Variants in SDK1 observed in about 807,000 individuals in gnomAD.
SDK1 encodes the protein sidekick cell adhesion molecule 1, also known as protein sidekick-1.
Under a neutral mutation model 245.5 loss-of-function variants are expected in SDK1, and 157 were observed. The observed-to-expected ratio is 0.64, with a 90% CI of 0.56 to 0.73. The LOEUF is 0.73. Ranked by LOEUF, SDK1 falls within the 30% of genes least tolerant of loss-of-function variation. The pLI is 0.00. For missense variants in SDK1, 3,583 were observed against 3,002.3 expected (o/e 1.19, Z -4.52); for synonymous variants, 1,647 against 1,278.5 (o/e 1.29, Z -6.15).
In SDK1 at chr7:3,838,595, A is replaced by T. The variant is rs144203493; in HGVS notation, c.847+17012A>T. 9.3e-4 allele frequency among the ~76,000 whole-genome samples: 142 copies of T among 152,292 alleles called. 2 individuals carry two copies. Among genetic ancestry groups the T allele is most frequent in the African/African-American group, 3.3e-3 (137 of 41,578 alleles). ...GCAGAGGGTGCAAACAGAACTGTCT[A>T]TGACCAGCCTCTGGAAGTTCAGGGT... On this transcript the variant is annotated intron_variant, in intron 5 of 44. Coordinates refer to ENST00000404826, the MANE Select transcript of SDK1 (RefSeq NM_152744.4).
At chr7:4,108,586 A>G (rs982456131) in intron 22 of SDK1, among the ~76,000 whole-genome samples, 4 of 152,050 alleles carry the variant, frequency 2.6e-5, no homozygotes, top group African/African-American at 7.2e-5. Flanking sequence ...CGGGGTATTC[A>G]TTATCTACGC....
intron 32 of SDK1, among the ~76,000 whole-genome samples, chr7:4,173,896 C>T (rs747085267): frequency 3.3e-5 from 5 of 152,204 alleles, no homozygotes; most frequent in African/African-American, 1.2e-4. Flanking sequence ...CCACACAGCA[C>T]CCAGCCTCCT....
rs528332278 is a variant in SDK1, at chr7:3,814,902, T to C, written c.714-6548T>C. ...TGTGAATGGGAGTTCACTCATGATT[T>C]GGCTCTCTGTTTGTATGTTGTTGGT... On this transcript the variant is annotated intron_variant, in intron 4 of 44. Coordinates refer to ENST00000404826, the MANE Select transcript of SDK1 (RefSeq NM_152744.4). Among the ~76,000 whole-genome samples, 88 of 152,278 alleles carry C rather than the reference T, an allele frequency of 5.8e-4. 2 individuals are homozygous for C. The South Asian group carries it at 0.017, about 29-fold the overall frequency.
At chr7:3,530,982 T>C (rs987323438) in intron 1 of SDK1, among the ~76,000 whole-genome samples, 1 of 152,240 alleles carries the variant, frequency 6.6e-6, no homozygotes, top group Non-Finnish European at 1.5e-5. Context: ...TTTTCATTGA[T>C]TTGGAAATGA....
At chr7:3,320,589 C>A (rs1021118891) in intron 1 of SDK1, among the ~76,000 whole-genome samples, 3 of 152,160 alleles carry the variant, frequency 2.0e-5, no homozygotes, top group African/African-American at 4.8e-5. Context: ...CTAAATCCAT[C>A]TGTGATGTTA....
At chr7:3,513,668 A>G (rs1303746951) in intron 1 of SDK1, among the ~76,000 whole-genome samples, 1 of 152,154 alleles carries the variant, frequency 6.6e-6, no homozygotes, top group Admixed American at 6.5e-5. Context: ...AAAGGTATAC[A>G]TGTGCAAATT....
intron 5 of SDK1, among the ~76,000 whole-genome samples, chr7:3,857,449 A>G (rs1780574938): frequency 6.6e-6 from 1 of 152,154 alleles, no homozygotes; most frequent in African/African-American, 2.4e-5. Context: ...TTGGGAGGAC[A>G]TGGCAGGGGG....
intron 1 of SDK1, among the ~76,000 whole-genome samples, chr7:3,532,115 C>G (rs1048219121): frequency 2.0e-5 from 3 of 152,112 alleles, no homozygotes; most frequent in Non-Finnish European, 4.4e-5. Flanking sequence ...TTTTCTGTAT[C>G]TTTTCAATCA....
chr7:3,588,620 G>A (rs116199475), intron 1 of SDK1, among the ~76,000 whole-genome samples: 1 of 152,216 alleles, frequency 6.6e-6, no homozygotes, highest in African/African-American at 2.4e-5. Context: ...AATGTTAAGT[G>A]TGAGAAAGAT....
chr7:3,688,641 C>A (rs190763894), intron 4 of SDK1, among the ~76,000 whole-genome samples: 3 of 152,308 alleles, frequency 2.0e-5, no homozygotes, highest in Admixed American at 2.0e-4. Flanking sequence ...CTTTGCAGAC[C>A]TCAGTTTCCT....
At chr7:3,905,006 A>T (rs1562526047) in intron 5 of SDK1, among the ~76,000 whole-genome samples, 4 of 150,878 alleles carry the variant, frequency 2.7e-5, no homozygotes, top group South Asian at 4.2e-4. Flanking sequence ...AAAAAAAAAA[A>T]AAATAATAAT....
chr7:3,418,459 G>T (rs1212439412), intron 1 of SDK1, among the ~76,000 whole-genome samples: 2 of 152,084 alleles, frequency 1.3e-5, no homozygotes, highest in Non-Finnish European at 2.9e-5. Context: ...GAGCCTAGAG[G>T]TTTCTGATCT....
chr7:3,806,402 G>T (rs1189017623), intron 4 of SDK1, among the ~76,000 whole-genome samples: 1 of 152,160 alleles, frequency 6.6e-6, no homozygotes, highest in African/African-American at 2.4e-5. Context: ...GTCCTTGGGG[G>T]CCCTTATTCG....
intron 1 of SDK1, among the ~76,000 whole-genome samples, chr7:3,506,649 C>A (rs1782401411): frequency 6.6e-6 from 1 of 152,124 alleles, no homozygotes; most frequent in Non-Finnish European, 1.5e-5. Context: ...TCTTCCTCCC[C>A]CTGCTCCCCA....
intron 1 of SDK1, among the ~76,000 whole-genome samples, chr7:3,411,743 C>T (rs191268677): frequency 6.6e-6 from 1 of 152,070 alleles, no homozygotes; most frequent in Admixed American, 6.6e-5. Flanking sequence ...TGTCTAGTCT[C>T]TCCACAATTG....
chr7:3,974,813 C>G, intron 13 of SDK1: 1 of 379,912 alleles, frequency 2.6e-6, no homozygotes, highest in Non-Finnish European at 4.9e-6. Context: ...ATATTTTTCC[C>G]GTGGACACCT....
intron 1 of SDK1, among the ~76,000 whole-genome samples, chr7:3,607,921 C>T (rs955080528): frequency 6.6e-6 from 1 of 152,228 alleles, no homozygotes; most frequent in Non-Finnish European, 1.5e-5. Flanking sequence ...GGTTCAAGAA[C>T]CTGTGGCAGA....
At chr7:3,820,291 A>G (rs754114399) in intron 4 of SDK1, among the ~76,000 whole-genome samples, 1 of 152,184 alleles carries the variant, frequency 6.6e-6, no homozygotes. Flanking sequence ...CTGGGACTAC[A>G]GGCGTGTGCC....
At chr7:4,025,227 T>C (rs1337268084) in intron 17 of SDK1, among the ~76,000 whole-genome samples, 2 of 152,228 alleles carry the variant, frequency 1.3e-5, no homozygotes, top group Non-Finnish European at 2.9e-5. Context: ...ATTCCAGCAA[T>C]ACAGCAACAC....
Sources: gnomAD v4.1 joint callset for allele counts (sites outside exome capture counted in the v4.1 genomes callset) on GRCh38, gnomAD v4.1.1 for gene constraint, MANE v1.5 for transcripts, NCBI Gene and HGNC (gene_info 2026-07-23, HGNC 2026-07-21) for gene names.